The following HIP1R variants were observed in gnomAD, a reference collection of about 807,000 sequenced individuals.
HIP1R encodes huntingtin-interacting protein 1-related protein.
A neutral mutation model predicts 144.2 loss-of-function variants in HIP1R; 135 were observed. That is an observed-to-expected ratio of 0.94 (90% CI 0.81 to 1.08). The LOEUF is 1.08. Ranked by LOEUF, HIP1R falls within the 50% of genes least tolerant of loss-of-function variation. The probability of loss-of-function intolerance (pLI) is 0.00; values close to 1 mark genes in which losing one functional copy is unlikely to be tolerated. For missense variants in HIP1R, 1,462 were observed against 1,432.8 expected, an observed-to-expected ratio of 1.02 and a Z score of -0.33; for synonymous variants, 698 against 612.8, an observed-to-expected ratio of 1.14 and a Z score of -2.05.
intron 1 of HIP1R, among the ~76,000 whole-genome samples, chr12:122,847,694 C>T (rs2033248999): frequency 6.6e-6 from 1 of 152,240 alleles, no homozygotes; most frequent in East Asian, 1.9e-4. Flanking sequence ...GAGGACACCA[C>T]ACTGGGCCAT....
At chr12:122,837,318 ATT>A (rs200083960) in intron 1 of HIP1R, among the ~76,000 whole-genome samples, 176 of 139,988 alleles carry the variant, frequency 1.3e-3, no homozygotes, top group African/African-American at 3.6e-3. Flanking sequence ...AAGAAGGTGG[ATT>A]TTTTTTTTTT....
chr12:122,857,303 G>A, intron 18 of HIP1R, 88 bp downstream of exon 18: 1 of 1,268,878 alleles, frequency 7.9e-7, no homozygotes, highest in Non-Finnish European at 1.1e-6. Flanking sequence ...CTGTTCTAGA[G>A]ATTTCATGTA....
chr12:122,859,648 A>C, intron 23 of HIP1R, 112 bp downstream of exon 23: 3 of 1,372,470 alleles, frequency 2.2e-6, no homozygotes, highest in Non-Finnish European at 3.1e-6. Context: ...CTCCAGACAG[A>C]GGACAGATGG....
chr12:122,835,463 G>C lies in HIP1R; in HGVS notation c.-88G>C, dbSNP rs1475305415. ...GGGCGGGCCCGGGCGCGGCGCGGTG[G>C]CCTCGCGGTGCCTAGGCTGGGGCTG... is the stretch of plus-strand genomic sequence containing the variant. On this transcript the variant is annotated 5_prime_UTR_variant, in exon 1 of 32. Coordinates refer to ENST00000253083, the MANE Select transcript of HIP1R (RefSeq NM_003959.3). 5 of 1,169,284 alleles carry C rather than the reference G, an allele frequency of 4.3e-6. No homozygotes were observed. The East Asian group carries it at 1.6e-4, about 37-fold the overall frequency. The allele number at this position is 1,169,284 out of a possible 1,614,324, so 72.4% of individuals were successfully genotyped here.
At chr12:122,855,174 A>G (rs1375126173) in intron 10 of HIP1R, 46 bp downstream of exon 10, 1 of 1,610,920 alleles carries the variant, frequency 6.2e-7, no homozygotes, top group Non-Finnish European at 8.5e-7. Flanking sequence ...GACCCCAGGC[A>G]CCTGGCTGGG....
In HIP1R at chr12:122,861,418, G is replaced by A; in HGVS notation, c.3063G>A (p.Glu1021=). 6.2e-7 allele frequency: 1 copy of A among 1,613,528 alleles called. No homozygotes were observed. Among genetic ancestry groups the A allele is most frequent in the South Asian group, 1.1e-5 (1 of 91,080 alleles). The change falls in exon 31 of 32, where the codon GAG becomes GAA. Residue 1021 remains glutamate, a synonymous_variant. Coordinates refer to ENST00000253083, the MANE Select transcript of HIP1R (RefSeq NM_003959.3). ...LAGASGSPGE[E]VAIRPSTAPR... Reference sequence around the variant, plus strand: ...GGGCATCAGGCAGCCCTGGAGAGGAGGTGGCCATCCGGCCCAGCACTGCCC... The same window carrying A: ...GGGCATCAGGCAGCCCTGGAGAGGAAGTGGCCATCCGGCCCAGCACTGCCC...
At chr12:122,854,874 G>C (rs2033515541) in intron 8 of HIP1R, 31 bp from the exon 9 acceptor site, 1 of 1,609,682 alleles carries the variant, frequency 6.2e-7, no homozygotes, top group African/African-American at 1.3e-5. Flanking sequence ...AGTGTGCAGA[G>C]AAGTCCTGTT....
At chr12:122,856,195 G>A in intron 14 of HIP1R, 32 bp downstream of exon 14, 5 of 1,612,138 alleles carry the variant, frequency 3.1e-6, no homozygotes, top group Non-Finnish European at 4.2e-6. Context: ...GGGGTCCAAG[G>A]GTGTGTCCCC....
rs1371436906 is a variant in HIP1R, at chr12:122,858,562, C to A, written c.2050+127C>A. ...CTCTGGGAAGCCAAGCAGATGCCCC[C>A]TGCCTGCTCCTTCCCAGGAACCCAC... On this transcript the variant is annotated intron_variant, in intron 20 of 31. Transcript: ENST00000253083. 6 of 760,884 alleles carry A rather than the reference C, an allele frequency of 7.9e-6. No individual in the cohort carries two copies. In the East Asian group the frequency reaches 1.6e-4, roughly 20 times the overall value. The allele number at this position is 760,884 out of a possible 1,614,324, so 47.1% of individuals were successfully genotyped here.
intron 1 of HIP1R, among the ~76,000 whole-genome samples, chr12:122,843,167 G>C (rs2033106914): frequency 6.6e-6 from 1 of 152,202 alleles, no homozygotes; most frequent in Non-Finnish European, 1.5e-5. Context: ...TGTCTATGCT[G>C]ACACACTTCT....
chr12:122,835,657 GGGCGGCGGGCGGCGGGC>G lies in HIP1R; in HGVS notation c.93+27_93+43del, dbSNP rs746644995. 70 of 971,072 alleles carry G rather than the reference GGGCGGCGGGCGGCGGGC, an allele frequency of 7.2e-5. 5 individuals carry two copies. In the South Asian group the frequency reaches 2.8e-3, roughly 40 times the overall value. The allele number at this position is 971,072 out of a possible 1,614,324, so 60.2% of individuals were successfully genotyped here. The stretch of plus-strand genomic sequence containing the variant: ...GACAAGACCCAGGCGAGCGGGCGGC[GGGCGGCGGGCGGCGGGC>G]GGCGGCGGGCGGGCGGGCAAGCGGC... On this transcript the variant is annotated intron_variant, in intron 1 of 31. Coordinates refer to ENST00000253083, the MANE Select transcript of HIP1R (RefSeq NM_003959.3).
chr12:122,860,204 C>A lies in HIP1R; in HGVS notation c.2553C>A (p.Ser851Arg), dbSNP rs1443940136. 6.4e-7 allele frequency: 1 copy of A among 1,560,364 alleles called. No homozygotes were observed. Among genetic ancestry groups the A allele is most frequent in the Non-Finnish European group, 8.7e-7 (1 of 1,154,500 alleles). Residue 851 changes from serine (S) to arginine (R), a missense_variant, in exon 26 of 32, where the codon AGC becomes AGA. Physicochemically the swap from Ser to Arg is moderately radical, Grantham distance 110 (BLOSUM62 -1). This residue lies in a region of HIP1R where 1,112 missense variants were observed against 1,011.7 expected (regional missense o/e 1.10). Coordinates refer to ENST00000253083, the MANE Select transcript of HIP1R (RefSeq NM_003959.3). ...STSLQKEIVE[S>R]GRGAATQQEF... ...GCCTGCAGAAGGAGATCGTGGAGAG[C>A]GGCAGGGTGAGGGGCCGGCGGCAGC...
intron 20 of HIP1R, 21 bp from the exon 21 acceptor site, chr12:122,858,817 T>C (rs756684941): frequency 1.9e-6 from 3 of 1,572,754 alleles, no homozygotes; most frequent in South Asian, 1.1e-5. Flanking sequence ...CCCCCAACCT[T>C]GGCCCCACCC....
intron 7 of HIP1R, 27 bp downstream of exon 7, chr12:122,851,324 G>C: frequency 6.6e-7 from 1 of 1,513,772 alleles, no homozygotes; most frequent in South Asian, 1.3e-5. Context: ...GGATGCGGGG[G>C]TCTGAGTGTA....
rs994255657 is a variant in HIP1R at position 122,855,098 on chromosome 12, G to A, written c.822G>A (p.Lys274=). 6.2e-7 allele frequency: 1 copy of A among 1,613,814 alleles called. No individual in the cohort carries two copies. Among genetic ancestry groups the A allele is most frequent in the Non-Finnish European group, 8.5e-7 (1 of 1,180,018 alleles). The change falls in exon 10 of 32, where the codon AAG becomes AAA. Residue 274 remains lysine, a synonymous_variant. Coordinates refer to ENST00000253083, the MANE Select transcript of HIP1R (RefSeq NM_003959.3). ...GAGCCTCCGACATGCTGTACTTCAA[G>A]CGGCTCATCCAGATCCCCCGGCTGC... ...FRRASDMLYF[K]RLIQIPRLPE... is the part of the protein sequence containing the mutation.
chr12:122,848,488 C>T lies in HIP1R; in HGVS notation c.180C>T (p.His60=), dbSNP rs751630198. 17 of 1,612,756 alleles carry T rather than the reference C, an allele frequency of 1.1e-5. No individual in the cohort carries two copies. The highest frequency in any genetic ancestry group is 6.7e-5 in the East Asian group (3 of 44,902). Residue 60 remains histidine (H), a synonymous_variant, in exon 3 of 32, where the codon CAC becomes CAT. Transcript: ENST00000253083. ...CAGGCATCATTCTGGGCACACACCA[C>T]GAGAAGGGGGCTTTCACCTTCTGGT... The part of the protein sequence containing the change: ...HARRIILGTH[H]EKGAFTFWSY...
Position 122,856,533 on chromosome 12 carries a change from G to A in HIP1R, c.1503G>A (p.Arg501=), listed in dbSNP as rs146640812. 6.3e-7 allele frequency: 1 copy of A among 1,599,908 alleles called. No individual in the cohort carries two copies. The highest frequency in any genetic ancestry group is 8.5e-7 in the Non-Finnish European group (1 of 1,173,060). ...QLAFQVEQVK[R]ESELKLEEKS... is the part of the protein sequence containing the mutation. ...CCTTCCAGGTGGAGCAGGTGAAGCG[G>A]GAGTCGGAGTTGAAGGTATGTCCCT... The change falls in exon 16 of 32, where the codon CGG becomes CGA. Residue 501 remains arginine, a synonymous_variant. Transcript: ENST00000253083.
intron 1 of HIP1R, among the ~76,000 whole-genome samples, chr12:122,844,873 G>T (rs542947413): frequency 6.6e-6 from 1 of 152,188 alleles, no homozygotes; most frequent in African/African-American, 2.4e-5. Context: ...TGTTCTGCCC[G>T]AGGGGCCACA....
Position 122,862,246 on chromosome 12 carries a change from A to G in HIP1R, c.*493A>G, listed in dbSNP as rs886443066. On this transcript the variant is annotated 3_prime_UTR_variant, in exon 32 of 32. Transcript: ENST00000253083. Reference sequence around the variant, plus strand: ...CTGTCTGTGGCCTTCTGGGGCACCGATTCTACCAGGCCCTCCAGCTGCGTG... The same window carrying G: ...CTGTCTGTGGCCTTCTGGGGCACCGGTTCTACCAGGCCCTCCAGCTGCGTG... 1 of 157,562 alleles carries G rather than the reference A, an allele frequency of 6.3e-6. No individual in the cohort carries two copies. The highest frequency in any genetic ancestry group is 2.4e-5 in the African/African-American group (1 of 41,500). The allele number at this position is 157,562 out of a possible 1,614,324, so 9.8% of individuals were successfully genotyped here.
Sources: gnomAD v4.1 joint callset for allele counts (sites outside exome capture counted in the v4.1 genomes callset) on GRCh38, gnomAD v4.1.1 for gene constraint, gnomAD v4.1.1 regional missense constraint, MANE v1.5 for transcripts, NCBI Gene and HGNC (gene_info 2026-07-23, HGNC 2026-07-21) for gene names.